The following NLRC5 variants were observed in gnomAD, a reference collection of about 807,000 sequenced individuals.
NLRC5 encodes the protein NLR family CARD domain containing 5.
A neutral mutation model predicts 206.9 loss-of-function variants in NLRC5; 114 were observed. The observed-to-expected ratio is 0.55, with a 90% confidence interval of 0.47 to 0.64. The LOEUF is 0.64. Ranked by LOEUF, NLRC5 falls within the 30% of genes least tolerant of loss-of-function variation. NLRC5 has a pLI of 0.00. For missense variants in NLRC5, 2,008 were observed against 2,305.5 expected (o/e 0.87, Z 2.64); for synonymous variants, 952 against 962.8 (o/e 0.99, Z 0.21).
intron 36 of NLRC5, 62 bp downstream of exon 36, chr16:57,067,890 G>A (rs1249870717): frequency 1.6e-5 from 21 of 1,278,426 alleles, no homozygotes; most frequent in South Asian, 2.4e-5. Context: ...GACACCTCCC[G>A]TTATTCCCAG....
At chr16:57,035,587 C>T (rs982242758) in intron 13 of NLRC5, among the ~76,000 whole-genome samples, 1 of 152,340 alleles carries the variant, frequency 6.6e-6, no homozygotes, top group African/African-American at 2.4e-5. Context: ...TCCTCCATCT[C>T]TCCCCCAACC....
At chr16:57,033,582 A>G (rs372362531) in intron 11 of NLRC5, 22 bp from the exon 12 acceptor site, 8 of 1,613,510 alleles carry the variant, frequency 5.0e-6, no homozygotes, top group South Asian at 3.3e-5. Context: ...GCCCAGGCCA[A>G]TGCTTGATTT....
chr16:57,043,415 T>C, intron 19 of NLRC5, 100 bp from the exon 20 acceptor site: 1 of 924,550 alleles, frequency 1.1e-6, no homozygotes. Flanking sequence ...GGTTCCGTCA[T>C]CTGGAACCAG....
intron 20 of NLRC5, 48 bp downstream of exon 20, chr16:57,043,652 C>G: frequency 6.8e-7 from 1 of 1,470,348 alleles, no homozygotes; most frequent in Non-Finnish European, 9.5e-7. Context: ...CCCCATCCCA[C>G]AGGTCATCTG....
intron 6 of NLRC5, 76 bp downstream of exon 6, chr16:57,027,094 T>C: frequency 1.3e-6 from 2 of 1,505,354 alleles, no homozygotes; most frequent in Non-Finnish European, 1.8e-6. Context: ...CTAGCAAACC[T>C]CTGCCAAGAG....
chr16:57,034,082 CT>C (rs2062205536), intron 12 of NLRC5, 85 bp from the exon 13 acceptor site: 6 of 1,142,862 alleles, frequency 5.2e-6, no homozygotes, highest in African/African-American at 1.5e-5. Flanking sequence ...TGTGGGCCCC[CT>C]GACTCCCCCA....
chr16:57,079,306 C>A lies in NLRC5; in HGVS notation c.5237+14C>A. 6.2e-7 allele frequency: 1 copy of A among 1,612,990 alleles called. No individual in the cohort carries two copies. Among genetic ancestry groups the A allele is most frequent in the Non-Finnish European group, 8.5e-7 (1 of 1,179,756 alleles). On this transcript the variant is annotated intron_variant, in intron 45 of 48. Coordinates refer to ENST00000688547, the MANE Select transcript of NLRC5 (RefSeq NM_001384950.1). Reference sequence around the variant, plus strand: ...CAGACAGATAGAGTAAGTAGCCTCCCCTGCCTGCCTAGGGGACCAGTGGCA... The same window carrying A: ...CAGACAGATAGAGTAAGTAGCCTCCACTGCCTGCCTAGGGGACCAGTGGCA...
In NLRC5 at chr16:57,077,292, CA is replaced by C; in HGVS notation, c.4836-2del. On this transcript the variant is annotated splice_region_variant and splice_polypyrimidine_tract_variant and intron_variant, in intron 40 of 48. Coordinates refer to ENST00000688547, the MANE Select transcript of NLRC5 (RefSeq NM_001384950.1). Reference sequence around the variant, plus strand: ...AGGCTGATGAAGCTGTTTTCTCCCCCAAGCTTGAGCCACAACCAGATTGGAG... The same window carrying C: ...AGGCTGATGAAGCTGTTTTCTCCCCCAGCTTGAGCCACAACCAGATTGGAG... The C allele has an allele frequency of 6.2e-7, 1 of 1,613,898 alleles. No homozygotes were observed. The highest frequency in any genetic ancestry group is 1.1e-5 in the South Asian group (1 of 91,058).
chr16:57,029,934 A>G (rs2061618700), intron 9 of NLRC5, 61 bp from the exon 10 acceptor site: 1 of 1,605,554 alleles, frequency 6.2e-7, no homozygotes, highest in Non-Finnish European at 8.5e-7. Context: ...CAAGGCAAGG[A>G]AGGTCTGGGG....
chr16:57,078,050 G>C (rs1393360666), intron 43 of NLRC5, 30 bp downstream of exon 43: 2 of 1,541,274 alleles, frequency 1.3e-6, no homozygotes, highest in Non-Finnish European at 1.8e-6. Flanking sequence ...TACCATGCAG[G>C]GCTGGTGGGG....
Position 57,036,086 on chromosome 16 carries a change from GC to G in NLRC5, c.2628-8del. 1 of 1,570,626 alleles carries G rather than the reference GC, an allele frequency of 6.4e-7. No individual in the cohort carries two copies. Among genetic ancestry groups the G allele is most frequent in the South Asian group, 1.1e-5 (1 of 90,062 alleles). ...CCAGCCCCACAATACAGTGCATTGG[GC>G]CCCCCGTCTCAGCCTCTCAGGGAAC... is the stretch of plus-strand genomic sequence containing the variant. On this transcript the variant is annotated splice_polypyrimidine_tract_variant and intron_variant, in intron 13 of 48. Coordinates refer to ENST00000688547, the MANE Select transcript of NLRC5 (RefSeq NM_001384950.1).
At position 57,021,723 on chromosome 16, in the gene NLRC5, G is replaced by A. The variant is rs185197208; in HGVS notation, c.296-533G>A. Among the ~76,000 whole-genome samples, 579 of 152,254 alleles carry A rather than the reference G, an allele frequency of 3.8e-3. 1 individual carries two copies. The highest frequency in any genetic ancestry group is 6.5e-3 in the Non-Finnish European group (439 of 68,016). On this transcript the variant is annotated intron_variant, in intron 3 of 48. Transcript: ENST00000688547. ...TTGCAACATGGTCAGAAACAGTGAC[G>A]GGGAGCGCCTTCTGCCCTCTACTGA...
intron 15 of NLRC5, 127 bp from the exon 16 acceptor site, chr16:57,039,654 C>T (rs2063035337): frequency 1.3e-6 from 1 of 790,360 alleles, no homozygotes. Flanking sequence ...GAGGTGGAGG[C>T]TTCAGTGAGC....
At position 57,045,507 on chromosome 16, in the gene NLRC5, C is replaced by A. The variant is rs765690745; in HGVS notation, c.3248+15C>A. 14 of 1,613,342 alleles carry A rather than the reference C, an allele frequency of 8.7e-6. No individual in the cohort carries two copies. In the Admixed American group the frequency reaches 2.3e-4, roughly 27 times the overall value. On this transcript the variant is annotated intron_variant, in intron 21 of 48. Coordinates refer to ENST00000688547, the MANE Select transcript of NLRC5 (RefSeq NM_001384950.1). ...AAGACAAGCAGGTGAGGAGGGAACGCTCGGGGTGGGGGAGTCCCCTCCCGC... is the reference window on the plus strand; with the variant it reads ...AAGACAAGCAGGTGAGGAGGGAACGATCGGGGTGGGGGAGTCCCCTCCCGC...
At chr16:57,078,966 C>A in intron 43 of NLRC5, 84 bp from the exon 44 acceptor site, 2 of 1,214,302 alleles carry the variant, frequency 1.6e-6, no homozygotes, top group South Asian at 1.3e-5. Flanking sequence ...TACGGGCTGG[C>A]ACTGCAGCCT....
intron 23 of NLRC5, among the ~76,000 whole-genome samples, chr16:57,050,875 T>C (rs1567604983): frequency 6.6e-6 from 1 of 152,112 alleles, no homozygotes; most frequent in Non-Finnish European, 1.5e-5. Context: ...TTTTTTGAGA[T>C]AGAGACTCGC....
chr16:57,045,958 G>A (rs1367404951), intron 21 of NLRC5, among the ~76,000 whole-genome samples: 2 of 152,222 alleles, frequency 1.3e-5, no homozygotes, highest in Non-Finnish European at 2.9e-5. Context: ...TCTTCATGAT[G>A]TTCCCGGCTG....
intron 32 of NLRC5, chr16:57,062,062 GA>G: frequency 7.6e-7 from 1 of 1,316,734 alleles, no homozygotes; most frequent in Non-Finnish European, 9.9e-7. Flanking sequence ...TACCGAAGTA[GA>G]AAGAATAATT....
At chr16:57,030,400 ATGGATGGATGGC>A (rs1335566423) in intron 10 of NLRC5, among the ~76,000 whole-genome samples, 6 of 143,232 alleles carry the variant, frequency 4.2e-5, no homozygotes, top group Admixed American at 3.5e-4. Flanking sequence ...GGATGGATGG[ATGGATGGATGGC>A]TGAAAAGATG....
Sources: allele counts gnomAD v4.1 joint callset (sites outside exome capture counted in the v4.1 genomes callset), GRCh38; gene constraint gnomAD v4.1.1; transcripts MANE v1.5; gene names NCBI Gene and HGNC (gene_info 2026-07-23, HGNC 2026-07-21).